Variants in TP63 observed in about 807,000 individuals in gnomAD.
The protein encoded by TP63 is tumor protein 63.
In TP63, 17 loss-of-function variants were observed where a neutral mutation model predicts 82.8. The ratio of observed to expected loss-of-function variants is 0.21; its 90% confidence interval spans 0.14 to 0.31. TP63 has a LOEUF of 0.31. Ranked by LOEUF, TP63 falls within the 10% of genes least tolerant of loss-of-function variation. The pLI, the probability that TP63 is intolerant of heterozygous loss-of-function variation, is 1.00. For synonymous variants in TP63, 330 were observed against 321.7 expected, an observed-to-expected ratio of 1.03 and a Z score of -0.28; for missense variants, 648 against 895.3, an observed-to-expected ratio of 0.72 and a Z score of 3.52.
chr3:189,880,232 AGTGTGTGT>A, intron 10 of TP63: 1 of 1,573,432 alleles, frequency 6.4e-7, no homozygotes, highest in South Asian at 1.2e-5. Context: ...TGTATATGTG[AGTGTGTGT>A]GTGTGTATGT....
chr3:189,750,638 AG>A (rs1210057633), intron 3 of TP63, among the ~76,000 whole-genome samples: 3 of 152,192 alleles, frequency 2.0e-5, no homozygotes, highest in African/African-American at 7.2e-5. Flanking sequence ...GGATCCAAAA[AG>A]GTAATAAAAC....
intron 1 of TP63, among the ~76,000 whole-genome samples, chr3:189,634,080 C>T (rs919456855): frequency 1.3e-5 from 2 of 151,930 alleles, no homozygotes; most frequent in Admixed American, 6.6e-5. Context: ...AAGGATCAAA[C>T]AATATGTTCT....
intron 4 of TP63, among the ~76,000 whole-genome samples, chr3:189,850,808 G>C (rs1715530889): frequency 6.6e-6 from 1 of 152,074 alleles, no homozygotes; most frequent in Admixed American, 6.5e-5. Flanking sequence ...AAATGTATGG[G>C]AGTAAATAAA....
At chr3:189,768,243 T>C (rs1455036375) in intron 3 of TP63, among the ~76,000 whole-genome samples, 2 of 152,140 alleles carry the variant, frequency 1.3e-5, no homozygotes, top group African/African-American at 4.8e-5. Flanking sequence ...CACAATAGCA[T>C]TGGTTCAATA....
chr3:189,874,192 C>T (rs1718763158), intron 10 of TP63, among the ~76,000 whole-genome samples: 1 of 152,062 alleles, frequency 6.6e-6, no homozygotes, highest in South Asian at 2.1e-4. Flanking sequence ...GCCTCAGCCT[C>T]CCGAGTAGCT....
chr3:189,753,729 G>A (rs1020011945), intron 3 of TP63, among the ~76,000 whole-genome samples: 1 of 151,824 alleles, frequency 6.6e-6, no homozygotes, highest in African/African-American at 2.4e-5. Flanking sequence ...TCCCTCCTGT[G>A]CTCCTCCCTT....
chr3:189,864,105 G>A (rs921983394), intron 4 of TP63, 127 bp from the exon 5 acceptor site: 15 of 1,176,282 alleles, frequency 1.3e-5, no homozygotes, highest in African/African-American at 3.0e-5. Context: ...ATCTATAGTA[G>A]CCAGTAGTAA....
At chr3:189,629,010 TAAC>T (rs1330290777), upstream of TP63, among the ~76,000 whole-genome samples, 1 of 152,178 alleles carries the variant, frequency 6.6e-6, no homozygotes, top group African/African-American at 2.4e-5. Context: ...GATTTTTAAA[TAAC>T]AACTATTGAA....
At chr3:189,651,090 CT>C (rs1401749350) in intron 1 of TP63, among the ~76,000 whole-genome samples, 1 of 147,448 alleles carries the variant, frequency 6.8e-6, no homozygotes, top group African/African-American at 2.5e-5. Context: ...AGCAAAGAGA[CT>C]GGCAGCATTT....
chr3:189,728,769 T>C (rs1398746229), intron 1 of TP63, among the ~76,000 whole-genome samples: 1 of 152,132 alleles, frequency 6.6e-6, no homozygotes, highest in Non-Finnish European at 1.5e-5. Flanking sequence ...CAGATACTTA[T>C]AAAACCATCA....
chr3:189,770,670 G>A (rs375467258), intron 3 of TP63, among the ~76,000 whole-genome samples: 64 of 152,264 alleles, frequency 4.2e-4, no homozygotes, highest in African/African-American at 1.5e-3. Flanking sequence ...TGCCTAGAAG[G>A]CTGTCCCTTC....
intron 4 of TP63, among the ~76,000 whole-genome samples, chr3:189,817,227 A>T (rs761371045): frequency 3.3e-5 from 5 of 152,152 alleles, no homozygotes; most frequent in African/African-American, 1.2e-4. Context: ...ACTATAATGA[A>T]TAAGTTGAGG....
At chr3:189,754,954 G>C (rs186935951) in intron 3 of TP63, among the ~76,000 whole-genome samples, 7 of 148,726 alleles carry the variant, frequency 4.7e-5, no homozygotes, top group Middle Eastern at 3.4e-3. Flanking sequence ...TTGATTAAAG[G>C]CTGCTGCTTT....
chr3:189,676,372 A>T (rs1431018806), intron 1 of TP63, among the ~76,000 whole-genome samples: 1 of 152,050 alleles, frequency 6.6e-6, no homozygotes, highest in African/African-American at 2.4e-5. Context: ...CTATTATTTG[A>T]CATTTTTTAG....
chr3:189,702,669 G>A (rs1425171621), intron 1 of TP63, among the ~76,000 whole-genome samples: 4 of 152,182 alleles, frequency 2.6e-5, no homozygotes, highest in Admixed American at 2.6e-4. Context: ...TACCATGGAT[G>A]CTACACTGTT....
At chr3:189,823,412 G>C (rs1469883111) in intron 4 of TP63, among the ~76,000 whole-genome samples, 4 of 152,174 alleles carry the variant, frequency 2.6e-5, no homozygotes, top group African/African-American at 9.7e-5. Context: ...CGGTTGGTTG[G>C]AGGGGCCTGC....
Position 189,792,094 on chromosome 3 carries a change from A to G in TP63, c.325-16178A>G, listed in dbSNP as rs1725198998. Among the ~76,000 whole-genome samples, 3 of 152,082 alleles carry G rather than the reference A, an allele frequency of 2.0e-5. No homozygotes were observed. The South Asian group carries it at 6.2e-4, about 31-fold the overall frequency. ...GCAATTTCTTTGAGTTGATAACTCAAAAACTATATAAGAACACTGTTCCTT... is the reference window on the plus strand; with the variant it reads ...GCAATTTCTTTGAGTTGATAACTCAGAAACTATATAAGAACACTGTTCCTT... On this transcript the variant is annotated intron_variant, in intron 3 of 13. Coordinates refer to ENST00000264731, the MANE Select transcript of TP63 (RefSeq NM_003722.5).
At position 189,820,953 on chromosome 3, in the gene TP63, C is replaced by A. The variant is rs1471929145; in HGVS notation, c.579+12427C>A. On this transcript the variant is annotated intron_variant, in intron 4 of 13. Coordinates refer to ENST00000264731, the MANE Select transcript of TP63 (RefSeq NM_003722.5). ...ACTTTCCTTTGCCTAGTAAGCCTTG[C>A]TGCTTTTTGAACACAGTGCATTTTC... Among the ~76,000 whole-genome samples, 3 of 152,270 alleles carry A rather than the reference C, an allele frequency of 2.0e-5. No homozygotes were observed. In the East Asian group the frequency reaches 5.8e-4, roughly 29 times the overall value.
chr3:189,822,597 A>T (rs1577036845), intron 4 of TP63, among the ~76,000 whole-genome samples: 1 of 152,326 alleles, frequency 6.6e-6, no homozygotes, highest in East Asian at 1.9e-4. Flanking sequence ...TATTATACCC[A>T]GGCGCACTAC....
Sources: allele counts gnomAD v4.1 joint callset (sites outside exome capture counted in the v4.1 genomes callset), GRCh38; gene constraint gnomAD v4.1.1; transcripts MANE v1.5; gene names NCBI Gene and HGNC (gene_info 2026-07-23, HGNC 2026-07-21).